The following IDNK variants were observed in gnomAD, a reference collection of about 807,000 sequenced individuals.
IDNK encodes IDNK gluconokinase.
A neutral mutation model predicts 13.0 loss-of-function variants in IDNK; 9 were observed. That is an observed-to-expected ratio of 0.69 (90% CI 0.42 to 1.21). The LOEUF is 1.21. Among genes scored for constraint, IDNK ranks in the 50% most tolerant of loss-of-function variants. IDNK has a pLI of 0.00. For missense variants in IDNK, 210 were observed against 237.8 expected (o/e 0.88, Z 0.77); for synonymous variants, 92 against 94.9 (o/e 0.97, Z 0.18).
At chr9:83,629,122 C>A (rs1254985796) in intron 3 of IDNK, among the ~76,000 whole-genome samples, 163 bp downstream of exon 3, 3 of 152,182 alleles carry the variant, frequency 2.0e-5, no homozygotes, top group African/African-American at 7.2e-5. Context: ...TAGCTCCAGT[C>A]CTGAACAACT....
chr9:83,623,093 G>A, upstream of IDNK: 2 of 1,205,760 alleles, frequency 1.7e-6, no homozygotes, highest in Non-Finnish European at 2.2e-6. Flanking sequence ...CGGGGCGAGA[G>A]CGGCTCCGCC....
At chr9:83,623,425 A>T in intron 1 of IDNK, 2 of 570,000 alleles carry the variant, frequency 3.5e-6, no homozygotes, top group Non-Finnish European at 6.1e-6. Flanking sequence ...CTGGGACCGC[A>T]TCCGAGCTCC....
At chr9:83,638,820 A>T (rs902657703) in intron 3 of IDNK, among the ~76,000 whole-genome samples, 1 of 152,226 alleles carries the variant, frequency 6.6e-6, no homozygotes, top group African/African-American at 2.4e-5. Context: ...CAAAATAAAG[A>T]CATTTTCTAA....
At chr9:83,632,748 T>C (rs112390576) in intron 3 of IDNK, among the ~76,000 whole-genome samples, 9 of 152,270 alleles carry the variant, frequency 5.9e-5, no homozygotes, top group African/African-American at 2.2e-4. Flanking sequence ...GATTGTCTCA[T>C]TTCTTTCCTC....
At chr9:83,635,103 A>G (rs932279997) in intron 3 of IDNK, among the ~76,000 whole-genome samples, 4 of 152,204 alleles carry the variant, frequency 2.6e-5, no homozygotes, top group Non-Finnish European at 5.9e-5. Context: ...GCACCTTGGA[A>G]AAGGCTGGTT....
At chr9:83,625,616 G>C (rs1333122070) in intron 1 of IDNK, among the ~76,000 whole-genome samples, 2 of 152,214 alleles carry the variant, frequency 1.3e-5, no homozygotes, top group Non-Finnish European at 1.5e-5. Context: ...ATTGGATGTA[G>C]CAACATCAAG....
At chr9:83,642,917 A>T (rs1374284715) in intron 4 of IDNK, among the ~76,000 whole-genome samples, 1 of 152,040 alleles carries the variant, frequency 6.6e-6, no homozygotes, top group Admixed American at 6.6e-5. Context: ...CCAGCTCTGC[A>T]TTGCACCTGG....
At chr9:83,630,517 T>C (rs1034106025) in intron 3 of IDNK, among the ~76,000 whole-genome samples, 10 of 152,198 alleles carry the variant, frequency 6.6e-5, no homozygotes, top group Non-Finnish European at 1.3e-4. Context: ...GATTGGATTC[T>C]TGGAAGTATT....
At chr9:83,629,076 A>G (rs895459607) in intron 3 of IDNK, 117 bp downstream of exon 3, 13 of 795,956 alleles carry the variant, frequency 1.6e-5, no homozygotes, top group Non-Finnish European at 2.6e-5. Flanking sequence ...CAGGGGCTAC[A>G]AAGAGCCAGG....
At chr9:83,623,254 A>C in intron 1 of IDNK, 33 bp downstream of exon 1, 1 of 1,378,382 alleles carries the variant, frequency 7.3e-7, no homozygotes, top group Non-Finnish European at 9.4e-7. Flanking sequence ...GGCGCCCGGG[A>C]CAAGTGTTGC....
In IDNK at chr9:83,643,925, G is replaced by A. The variant is rs558391137; in HGVS notation, c.*145G>A. 2.5e-5 allele frequency: 15 copies of A among 592,034 alleles called. No homozygotes were observed. The highest frequency in any genetic ancestry group is 2.1e-4 in the African/African-American group (11 of 53,558). 36.7% of individuals were successfully genotyped at this position (592,034 alleles called of 1,614,324 possible). On this transcript the variant is annotated 3_prime_UTR_variant, in exon 5 of 5. Transcript: ENST00000376419. ...TGTGTCAAGACAGACTTGTTTAGGTGTAATTTTAGGAATTATGCTGGTTCA... is the reference window on the plus strand; with the variant it reads ...TGTGTCAAGACAGACTTGTTTAGGTATAATTTTAGGAATTATGCTGGTTCA...
chr9:83,633,755 A>T (rs1380474887), intron 3 of IDNK, among the ~76,000 whole-genome samples: 1 of 152,260 alleles, frequency 6.6e-6, no homozygotes, highest in Non-Finnish European at 1.5e-5. Context: ...GAAATTAAGT[A>T]ACTTGAGCAA....
chr9:83,641,332 A>G (rs917334123), intron 3 of IDNK, among the ~76,000 whole-genome samples: 1 of 152,200 alleles, frequency 6.6e-6, no homozygotes, highest in African/African-American at 2.4e-5. Context: ...CTTTAGGGCA[A>G]TTTTTATTAT....
At chr9:83,643,291 C>T in intron 4 of IDNK, 138 bp from the exon 5 acceptor site, 1 of 658,322 alleles carries the variant, frequency 1.5e-6, no homozygotes, top group Non-Finnish European at 2.6e-6. Flanking sequence ...CTAGGACTGC[C>T]TGATGCTTAA....
At chr9:83,643,051 C>G (rs1831355677) in intron 4 of IDNK, among the ~76,000 whole-genome samples, 1 of 152,218 alleles carries the variant, frequency 6.6e-6, no homozygotes, top group South Asian at 2.1e-4. Context: ...GCCGGCAGCC[C>G]TGTGTCCACA....
At chr9:83,640,639 C>T (rs867350804) in intron 3 of IDNK, among the ~76,000 whole-genome samples, 2 of 152,160 alleles carry the variant, frequency 1.3e-5, no homozygotes, top group African/African-American at 2.4e-5. Flanking sequence ...GTCAGGAGTT[C>T]GAGACCAGCC....
At chr9:83,640,245 T>G (rs1401748887) in intron 3 of IDNK, among the ~76,000 whole-genome samples, 1 of 152,162 alleles carries the variant, frequency 6.6e-6, no homozygotes, top group Admixed American at 6.5e-5. Flanking sequence ...ACATAATATA[T>G]TATATACAAG....
In IDNK at chr9:83,627,871, AAAAAAAAT is replaced by A. The variant is rs1389549738; in HGVS notation, c.51-309_51-302del. The A allele has an allele frequency of 9.0e-3, 2,399 of 267,790 alleles. 44 individuals carry two copies. The highest frequency in any genetic ancestry group is 0.016 in the Middle Eastern group (10 of 636). 16.6% of individuals were successfully genotyped at this position (267,790 alleles called of 1,614,324 possible). A position where few individuals can be genotyped will look rare whatever the true frequency, so the allele number is the denominator to read the frequency against. On this transcript the variant is annotated intron_variant, in intron 1 of 4. Coordinates refer to ENST00000376419, the MANE Select transcript of IDNK (RefSeq NM_001001551.4). ...CCCACCACAAAAAAAAAAAAAAAAA[AAAAAAAAT>A]TACACAACAGGGACCAAAAACTGAT...
chr9:83,640,788 T>C (rs375516181), intron 3 of IDNK, among the ~76,000 whole-genome samples: 3 of 152,238 alleles, frequency 2.0e-5, no homozygotes, highest in African/African-American at 7.2e-5. Context: ...GAGGTTGCGG[T>C]GAGCCGAGAT....
Sources: allele counts gnomAD v4.1 joint callset (sites outside exome capture counted in the v4.1 genomes callset), GRCh38; gene constraint gnomAD v4.1.1; transcripts MANE v1.5; gene names NCBI Gene and HGNC (gene_info 2026-07-23, HGNC 2026-07-21).